The following RGS12 variants were observed in gnomAD, a reference collection of about 807,000 sequenced individuals.
The protein encoded by RGS12 is regulator of G-protein signaling 12.
Under a neutral mutation model 120.1 loss-of-function variants are expected in RGS12, and 66 were observed. The ratio of observed to expected loss-of-function variants is 0.55; its 90% CI spans 0.45 to 0.67. RGS12 has a LOEUF of 0.67. Among genes scored for constraint, RGS12 ranks in the 30% least tolerant of loss-of-function variants. RGS12 has a pLI of 0.00. For synonymous variants in RGS12, 827 were observed against 804.7 expected, an observed-to-expected ratio of 1.03 and a Z score of -0.47; for missense variants, 1,859 against 1,957.7, an observed-to-expected ratio of 0.95 and a Z score of 0.95.
rs1719385669 is a variant in RGS12 at position 3,390,593 on chromosome 4, C to T, written c.2020+4156C>T. 6.6e-6 allele frequency among the ~76,000 whole-genome samples: 1 copy of T among 152,264 alleles called. No individual in the cohort carries two copies. The highest frequency in any genetic ancestry group is 1.5e-5 in the Non-Finnish European group (1 of 68,046). ...GCCTCCTCCTGGGCTGCTCTGCGCG[C>T]CTGCCAGGCTCTTCCAGTGCCTTCA... On this transcript the variant is annotated intron_variant, in intron 4 of 17. Coordinates refer to ENST00000336727, the MANE Select transcript of RGS12 (RefSeq NM_001394154.1). The surrounding 1 kb of genome is among the most constrained non-coding windows in gnomAD (Gnocchi z 4.6).
chr4:3,308,588 C>T (rs1242204774), intron 1 of RGS12, among the ~76,000 whole-genome samples: 1 of 152,230 alleles, frequency 6.6e-6, no homozygotes, highest in African/African-American at 2.4e-5. Flanking sequence ...TCTCCCCAGG[C>T]CACCACCTGG....
chr4:3,310,009 T>G (rs1175160771), intron 1 of RGS12, among the ~76,000 whole-genome samples: 1 of 106,482 alleles, frequency 9.4e-6, no homozygotes, highest in African/African-American at 3.8e-5. Flanking sequence ...AGGGGAACCG[T>G]GTGGGGGAGG....
Position 3,316,252 on chromosome 4 carries a change from G to C in RGS12, c.82G>C (p.Gly28Arg). 6.2e-7 allele frequency: 1 copy of C among 1,613,552 alleles called. No individual in the cohort carries two copies. Among genetic ancestry groups the C allele is most frequent in the East Asian group, 2.2e-5 (1 of 44,874 alleles). The change falls in exon 2 of 18, where the codon GGG (glycine) becomes CGG (arginine). Residue 28 changes from glycine to arginine, a missense_variant. This residue lies in a region of RGS12 where 967 missense variants were observed against 994.2 expected (regional missense o/e 0.97). Transcript: ENST00000336727. ...GGTGCGGAGTGTGGAGGTTGCCCGGGGGAGGGCCGGCTACGGATTCACGCT... is the reference window on the plus strand; with the variant it reads ...GGTGCGGAGTGTGGAGGTTGCCCGGCGGAGGGCCGGCTACGGATTCACGCT... ...PRVRSVEVAR[G>R]RAGYGFTLSG...
intron 10 of RGS12, among the ~76,000 whole-genome samples, chr4:3,421,114 C>T (rs750911417): frequency 6.6e-6 from 1 of 152,216 alleles, no homozygotes; most frequent in Non-Finnish European, 1.5e-5. Flanking sequence ...CCACCCACTC[C>T]CACACTGCAG....
chr4:3,403,159 G>A (rs945913769), intron 4 of RGS12, among the ~76,000 whole-genome samples: 2 of 152,184 alleles, frequency 1.3e-5, no homozygotes, highest in Admixed American at 1.3e-4. Context: ...TCTCCAGAAG[G>A]ACTTGGTGTC....
At chr4:3,362,283 G>GGGCA (rs1171213075) in intron 3 of RGS12, among the ~76,000 whole-genome samples, 1 of 152,168 alleles carries the variant, frequency 6.6e-6, no homozygotes, top group Non-Finnish European at 1.5e-5. Flanking sequence ...CCAGGTTGAG[G>GGGCA]GGCACATTTT....
At chr4:3,383,611 A>G (rs1718495286) in intron 3 of RGS12, among the ~76,000 whole-genome samples, 1 of 152,056 alleles carries the variant, frequency 6.6e-6, no homozygotes, top group Non-Finnish European at 1.5e-5. Flanking sequence ...CAAAAAAAAA[A>G]AGTATGTGTA....
rs1281577695 is a variant in RGS12, at chr4:3,372,693, C to T, written c.1999-13723C>T. Among the ~76,000 whole-genome samples, 1 of 152,194 alleles carries T rather than the reference C, an allele frequency of 6.6e-6. No individual in the cohort carries two copies. The highest frequency in any genetic ancestry group is 1.9e-4 in the East Asian group (1 of 5,194). On this transcript the variant is annotated intron_variant, in intron 3 of 17. Coordinates refer to ENST00000336727, the MANE Select transcript of RGS12 (RefSeq NM_001394154.1). This position sits in a 1 kb window ranked among gnomAD's most constrained non-coding sequence, Gnocchi z 4.3. ...TGAGAAGAAGTTCTGCAGTGTCAGA[C>T]ACTTGGCAGAAACTTTGTTTCTCAA... is the stretch of plus-strand genomic sequence containing the variant.
chr4:3,318,452 T>TC (rs1444213202), intron 2 of RGS12, among the ~76,000 whole-genome samples: 8 of 152,186 alleles, frequency 5.3e-5, no homozygotes. Flanking sequence ...CATCCCAGTG[T>TC]CCCACACCCC....
intron 4 of RGS12, among the ~76,000 whole-genome samples, chr4:3,393,056 A>G (rs533827256): frequency 6.6e-6 from 1 of 152,302 alleles, no homozygotes; most frequent in African/African-American, 2.4e-5. Flanking sequence ...TGCCAGTGCT[A>G]TCATCTCTGT....
chr4:3,362,485 TGA>T (rs1247298530), intron 3 of RGS12, among the ~76,000 whole-genome samples: 1 of 116,956 alleles, frequency 8.6e-6, no homozygotes, highest in Non-Finnish European at 1.8e-5. Flanking sequence ...TGTGTGTATG[TGA>T]GGGTGTGTGT....
chr4:3,288,005 C>T, the RGS12 span, among the ~76,000 whole-genome samples: 4 of 152,362 alleles, frequency 2.6e-5, no homozygotes, highest in Admixed American at 6.5e-5. The surrounding 1 kb of genome is among the most constrained non-coding windows in gnomAD (Gnocchi z 5.2). Flanking sequence ...CCAGCGTCAG[C>T]GCCAGAGTCC....
At chr4:3,376,034 G>A (rs1229607280) in intron 3 of RGS12, among the ~76,000 whole-genome samples, 1 of 152,230 alleles carries the variant, frequency 6.6e-6, no homozygotes, top group Non-Finnish European at 1.5e-5. Flanking sequence ...GGGTTATGGT[G>A]TGACAAGGAG....
intron 4 of RGS12, chr4:3,407,389 A>C (rs991815777): frequency 3.9e-5 from 6 of 152,252 alleles, no homozygotes; most frequent in African/African-American, 1.4e-4. Context: ...GAGAAACTGC[A>C]ATAATTGGCC....
rs1162711125 is a variant in RGS12, at chr4:3,366,181, G to C, written c.1999-20235G>C. Among the ~76,000 whole-genome samples the C allele has an allele frequency of 6.6e-6, 1 of 152,126 alleles. No homozygotes were observed. Among genetic ancestry groups the C allele is most frequent in the East Asian group, 1.9e-4 (1 of 5,186 alleles). On this transcript the variant is annotated intron_variant, in intron 3 of 17. Coordinates refer to ENST00000336727, the MANE Select transcript of RGS12 (RefSeq NM_001394154.1). This position sits in a 1 kb window ranked among gnomAD's most constrained non-coding sequence, Gnocchi z 4.0. ...GCAGGCAGGACAGCCAGACTGTTAG[G>C]GGTTAGGGGTTAGGCACAGGGCTGG...
At chr4:3,299,116 T>C (rs148253560) in intron 1 of RGS12, among the ~76,000 whole-genome samples, 1 of 152,242 alleles carries the variant, frequency 6.6e-6, no homozygotes, top group African/African-American at 2.4e-5. Context: ...TTAATTTGTC[T>C]GGACTCAAAT....
At position 3,309,356 on chromosome 4, in the gene RGS12, TGTCCGCTG is replaced by T. The variant is rs1398036190; in HGVS notation, c.-101-6713_-101-6706del. Among the ~76,000 whole-genome samples, 13 of 137,154 alleles carry T rather than the reference TGTCCGCTG, an allele frequency of 9.5e-5. No individual in the cohort carries two copies. The East Asian group carries it at 2.6e-3, about 28-fold the overall frequency. 90.0% of individuals were successfully genotyped at this position (137,154 alleles called of 152,430 possible). On this transcript the variant is annotated intron_variant, in intron 1 of 17. Coordinates refer to ENST00000336727, the MANE Select transcript of RGS12 (RefSeq NM_001394154.1). ...GGAGCTGGGATCCGGGAATGGCAGG[TGTCCGCTG>T]AGGGGAACCGTGCAGGGGAGGAGCT...
At chr4:3,434,846 G>A (rs1265440918) in intron 17 of RGS12, among the ~76,000 whole-genome samples, 1 of 152,220 alleles carries the variant, frequency 6.6e-6, no homozygotes, top group Non-Finnish European at 1.5e-5. Context: ...CTGCCCTGCT[G>A]GCTGCAAGGC....
At chr4:3,370,098 TG>T in intron 3 of RGS12, 1 of 1,369,496 alleles carries the variant, frequency 7.3e-7, no homozygotes, top group Non-Finnish European at 9.5e-7. Flanking sequence ...AGATAGAGTC[TG>T]AAACCCTGGC....
Sources: gnomAD v4.1 joint callset for allele counts (sites outside exome capture counted in the v4.1 genomes callset) on GRCh38, gnomAD v4.1.1 for gene constraint, gnomAD v4.1.1 regional missense constraint, Gnocchi (gnomAD v3.1) non-coding constraint, MANE v1.5 for transcripts, NCBI Gene and HGNC (gene_info 2026-07-23, HGNC 2026-07-21) for gene names.